SLC26A8: variants seen among roughly 807,000 people sequenced by gnomAD.
SLC26A8 encodes testis anion transporter 1.
A neutral mutation model predicts 105.0 loss-of-function variants in SLC26A8; 70 were observed. The ratio of observed to expected loss-of-function variants is 0.67; its 90% CI spans 0.55 to 0.81. The LOEUF (loss-of-function observed/expected upper bound fraction) is 0.81. Among genes scored for constraint, SLC26A8 ranks in the 40% least tolerant of loss-of-function variants. The pLI is 0.00. For missense variants in SLC26A8, 998 were observed against 1,181.8 expected, an observed-to-expected ratio of 0.84 and a Z score of 2.28; for synonymous variants, 415 against 438.3, an observed-to-expected ratio of 0.95 and a Z score of 0.66.
intron 16 of SLC26A8, among the ~76,000 whole-genome samples, chr6:35,958,251 G>A (rs1277012209): frequency 6.6e-6 from 1 of 152,122 alleles, no homozygotes; most frequent in Middle Eastern, 3.2e-3. Context: ...TGTAATCCCA[G>A]CACTTTGGGA....
chr6:35,982,335 A>G (rs1009422834), intron 7 of SLC26A8, 132 bp from the exon 8 acceptor site: 11 of 769,598 alleles, frequency 1.4e-5, no homozygotes, highest in Non-Finnish European at 1.9e-5. Flanking sequence ...CTATGCATGC[A>G]AGTTGGAGAG....
intron 3 of SLC26A8, among the ~76,000 whole-genome samples, chr6:36,008,026 A>G (rs1179456168): frequency 6.6e-6 from 1 of 151,766 alleles, no homozygotes; most frequent in Non-Finnish European, 1.5e-5. Context: ...AGGCTAAGGC[A>G]GGAGAATGGC....
rs368353684 is a variant in SLC26A8 at position 36,019,890 on chromosome 6, T to C, written c.-2-181A>G. On this transcript the variant is annotated intron_variant, in intron 1 of 19. Coordinates refer to ENST00000490799, the MANE Select transcript of SLC26A8 (RefSeq NM_052961.4). ...ATGTGTATTCTTTTCATTTTTCAAA[T>C]GGAGACAACAAAACCCAGAAGTTTA... Among the ~76,000 whole-genome samples the C allele has an allele frequency of 3.9e-5, 6 of 152,368 alleles. No individual in the cohort carries two copies. In the South Asian group the frequency reaches 1.2e-3, roughly 32 times the overall value.
In SLC26A8 at chr6:36,015,967, A is replaced by C. The variant is rs146370200; in HGVS notation, c.188+3553T>G. On this transcript the variant is annotated intron_variant, in intron 2 of 19. Coordinates refer to ENST00000490799, the MANE Select transcript of SLC26A8 (RefSeq NM_052961.4). ...CAACTTGAGTAATTAAGATTACTATAATGATGTAGGTCACAAAGGATTCTT... is the reference window on the plus strand; with the variant it reads ...CAACTTGAGTAATTAAGATTACTATCATGATGTAGGTCACAAAGGATTCTT... 1.8e-3 allele frequency among the ~76,000 whole-genome samples: 273 copies of C among 152,132 alleles called. 1 individual carries two copies. The highest frequency in any genetic ancestry group is 2.8e-3 in the Non-Finnish European group (191 of 67,986).
intron 10 of SLC26A8, among the ~76,000 whole-genome samples, chr6:35,970,181 C>G (rs912877514): frequency 6.6e-6 from 1 of 152,182 alleles, no homozygotes; most frequent in Non-Finnish European, 1.5e-5. Flanking sequence ...CGATTCTAAT[C>G]TACCAAAGGA....
intron 9 of SLC26A8, among the ~76,000 whole-genome samples, chr6:35,975,835 C>T (rs764153118): frequency 6.7e-5 from 10 of 149,690 alleles, no homozygotes; most frequent in Non-Finnish European, 1.0e-4. Flanking sequence ...ATCGCTTGAA[C>T]CTGAGAGACA....
intron 7 of SLC26A8, among the ~76,000 whole-genome samples, chr6:35,990,660 C>T (rs1761114322): frequency 6.6e-6 from 1 of 152,024 alleles, no homozygotes. Flanking sequence ...GTGATTTCAA[C>T]TACATTAAAA....
chr6:35,985,919 A>G (rs192422820), intron 7 of SLC26A8, among the ~76,000 whole-genome samples: 90 of 151,272 alleles, frequency 5.9e-4, no homozygotes, highest in African/African-American at 1.9e-3. Flanking sequence ...AATAAAAATC[A>G]TATATATTTG....
chr6:35,968,783 C>T (rs1378486176), intron 11 of SLC26A8, 94 bp downstream of exon 11: 2 of 128,254 alleles, frequency 1.6e-5, no homozygotes, highest in East Asian at 2.5e-4. Flanking sequence ...CCCGCCCCCC[C>T]GCCCCCAGCC....
intron 3 of SLC26A8, 91 bp downstream of exon 3, chr6:36,012,142 A>G (rs546438267): frequency 7.4e-6 from 11 of 1,486,476 alleles, no homozygotes; most frequent in Non-Finnish European, 1.0e-5. Flanking sequence ...TTTTTTTTCT[A>G]TTCATGTAGC....
intron 3 of SLC26A8, among the ~76,000 whole-genome samples, chr6:36,007,992 C>T (rs370737864): frequency 1.3e-5 from 2 of 151,730 alleles, no homozygotes; most frequent in Non-Finnish European, 2.9e-5. Context: ...TAGTGGCAGG[C>T]GCCTGTAGTC....
intron 2 of SLC26A8, among the ~76,000 whole-genome samples, chr6:36,018,608 A>C (rs1472536481): frequency 6.6e-6 from 1 of 152,262 alleles, no homozygotes; most frequent in Non-Finnish European, 1.5e-5. Flanking sequence ...TGCGAATGTC[A>C]ATCATGCCAC....
intron 19 of SLC26A8, among the ~76,000 whole-genome samples, chr6:35,944,881 G>A (rs931719755): frequency 6.6e-6 from 1 of 152,072 alleles, no homozygotes; most frequent in Non-Finnish European, 1.5e-5. Flanking sequence ...ACAGAGTCTT[G>A]CTCTGTTGCC....
chr6:35,969,324 G>T (rs1038715181), intron 10 of SLC26A8: 2 of 218,328 alleles, frequency 9.2e-6, no homozygotes, highest in Admixed American at 1.1e-4. Flanking sequence ...AGTTGGCCGG[G>T]TGCGGTGGCT....
In SLC26A8 at chr6:35,943,990, A is replaced by C. The variant is rs140553251; in HGVS notation, c.2823T>G (p.Ser941=). Residue 941 remains serine (S), a synonymous_variant, in exon 20 of 20, where the codon TCT becomes TCG. Transcript: ENST00000490799. ...CTGACCATGTCCGAGTCTGAGTCTGAGACTGGGTGGAAGCCATAGACGGAT... is the reference window on the plus strand; with the variant it reads ...CTGACCATGTCCGAGTCTGAGTCTGCGACTGGGTGGAAGCCATAGACGGAT... ...MYHPSMASTQ[S]QTQTRTWSVE... 2.9e-5 allele frequency: 47 copies of C among 1,614,014 alleles called. No homozygotes were observed. Among genetic ancestry groups the C allele is most frequent in the Non-Finnish European group, 3.2e-5 (38 of 1,180,028 alleles).
intron 9 of SLC26A8, among the ~76,000 whole-genome samples, chr6:35,976,045 A>G (rs1393087468): frequency 6.6e-6 from 1 of 152,088 alleles, no homozygotes; most frequent in African/African-American, 2.4e-5. Context: ...AGACTCTGGC[A>G]TTTTTATTCT....
Position 35,963,451 on chromosome 6 carries a change from C to T in SLC26A8, c.1366-830G>A, listed in dbSNP as rs542163791. Among the ~76,000 whole-genome samples, 20 of 152,324 alleles carry T rather than the reference C, an allele frequency of 1.3e-4. No homozygotes were observed. In the South Asian group the frequency reaches 1.4e-3, roughly 11 times the overall value. The stretch of plus-strand genomic sequence containing the variant: ...TGCTCCTAAGGAAAACCCACCATAG[C>T]GCACTCAGTCCTCTTGCTGAGGCGC... On this transcript the variant is annotated intron_variant, in intron 11 of 19. Coordinates refer to ENST00000490799, the MANE Select transcript of SLC26A8 (RefSeq NM_052961.4).
chr6:36,015,277 T>C (rs1323625319), intron 2 of SLC26A8, among the ~76,000 whole-genome samples: 1 of 152,074 alleles, frequency 6.6e-6, no homozygotes, highest in Non-Finnish European at 1.5e-5. Flanking sequence ...CATGTCCAGC[T>C]AATTTTTGTA....
chr6:36,008,971 C>A (rs1287893676), intron 3 of SLC26A8, among the ~76,000 whole-genome samples: 1 of 152,178 alleles, frequency 6.6e-6, no homozygotes, highest in Non-Finnish European at 1.5e-5. Flanking sequence ...TGAAAAAAGG[C>A]AACAGGCAAC....
Sources: allele counts gnomAD v4.1 joint callset (sites outside exome capture counted in the v4.1 genomes callset), GRCh38; gene constraint gnomAD v4.1.1; transcripts MANE v1.5; gene names NCBI Gene and HGNC (gene_info 2026-07-23, HGNC 2026-07-21).